The following ACSBG1 variants were observed in gnomAD, a reference collection of about 807,000 sequenced individuals.
ACSBG1 encodes acyl-CoA synthetase bubblegum family member 1.
ACSBG1 carries 39 observed loss-of-function variants against 80.2 expected under a neutral mutation model. The ratio of observed to expected loss-of-function variants is 0.49; its 90% confidence interval spans 0.38 to 0.64. The LOEUF (loss-of-function observed/expected upper bound fraction) is 0.64. Among genes scored for constraint, ACSBG1 ranks in the 30% least tolerant of loss-of-function variants. The pLI is 0.00. For missense variants in ACSBG1, 828 were observed against 966.4 expected, an observed-to-expected ratio of 0.86 and a Z score of 1.90; for synonymous variants, 392 against 379.5, an observed-to-expected ratio of 1.03 and a Z score of -0.38.
Position 78,175,022 on chromosome 15 carries a change from C to T in ACSBG1, c.1703-498G>A, listed in dbSNP as rs537076088. ...GCACAGAGACGTTCAGTAACTTGTCCAAGCTCACATGCTAATAAGTGGCAG... is the reference window on the plus strand; with the variant it reads ...GCACAGAGACGTTCAGTAACTTGTCTAAGCTCACATGCTAATAAGTGGCAG... On this transcript the variant is annotated intron_variant, in intron 11 of 13. Coordinates refer to ENST00000258873, the MANE Select transcript of ACSBG1 (RefSeq NM_015162.5). Among the ~76,000 whole-genome samples the T allele has an allele frequency of 7.2e-5, 11 of 152,336 alleles. No individual in the cohort carries two copies. In the East Asian group the frequency reaches 2.1e-3, roughly 29 times the overall value.
At chr15:78,209,078 C>G (rs1015336912) in intron 1 of ACSBG1, 11 of 450,000 alleles carry the variant, frequency 2.4e-5, no homozygotes, top group African/African-American at 1.2e-4. Context: ...TCCAGGGAGC[C>G]CTGTCTGTCA....
At chr15:78,223,994 C>G (rs1387594436) in intron 1 of ACSBG1, among the ~76,000 whole-genome samples, 1 of 152,168 alleles carries the variant, frequency 6.6e-6, no homozygotes, top group Non-Finnish European at 1.5e-5. Flanking sequence ...CCTAGAGCCC[C>G]TGGAGGAAGA....
intron 1 of ACSBG1, chr15:78,209,105 C>T (rs1265685566): frequency 2.2e-6 from 1 of 455,280 alleles, no homozygotes; most frequent in Admixed American, 2.3e-5. Context: ...GTGGGGCTAG[C>T]CCCATCCCTG....
intron 1 of ACSBG1, among the ~76,000 whole-genome samples, chr15:78,214,407 T>C (rs1012992316): frequency 7.2e-5 from 11 of 152,184 alleles, no homozygotes; most frequent in African/African-American, 2.4e-4. Context: ...GAGGCAGCCC[T>C]AGCTAGTGTT....
intron 5 of ACSBG1, 45 bp downstream of exon 5, chr15:78,193,461 G>T (rs746915571): frequency 1.3e-5 from 21 of 1,574,850 alleles, no homozygotes; most frequent in Non-Finnish European, 1.7e-5. Context: ...AGGTGCATGG[G>T]GATACCCAGC....
chr15:78,186,945 A>C (rs1466902468), intron 5 of ACSBG1, among the ~76,000 whole-genome samples: 1 of 152,194 alleles, frequency 6.6e-6, no homozygotes, highest in Non-Finnish European at 1.5e-5. Flanking sequence ...ATAAAGAAGA[A>C]AAGAGAGAAG....
In ACSBG1 at chr15:78,234,485, C is replaced by T. The variant is rs755158080; in HGVS notation, c.17G>A (p.Gly6Glu). MPRNS[G>E]AGYGCPHGDP... is the part of the protein sequence containing the mutation. ...CCCGTGTGGGCAGCCGTATCCAGCT[C>T]CAGAATTGCGTGGCATCTGCCTCGG... The change falls in exon 1 of 14, where the codon GGA (glycine) becomes GAA (glutamate). Residue 6 changes from glycine to glutamate, a missense_variant. This residue lies in a region of ACSBG1 where 356 missense variants were observed against 363.5 expected (regional missense o/e 0.98). Coordinates refer to ENST00000258873, the MANE Select transcript of ACSBG1 (RefSeq NM_015162.5). 6.2e-7 allele frequency: 1 copy of T among 1,611,928 alleles called. No individual in the cohort carries two copies.
At chr15:78,224,853 T>G (rs1344023315) in intron 1 of ACSBG1, among the ~76,000 whole-genome samples, 1 of 152,180 alleles carries the variant, frequency 6.6e-6, no homozygotes, top group Non-Finnish European at 1.5e-5. Context: ...TCTTATTATC[T>G]CTATTCAACA....
At chr15:78,216,413 C>G (rs974503967) in intron 1 of ACSBG1, among the ~76,000 whole-genome samples, 2 of 152,060 alleles carry the variant, frequency 1.3e-5, no homozygotes, top group African/African-American at 2.4e-5. Flanking sequence ...TTATTTCATG[C>G]GAGACAGCAT....
At chr15:78,226,122 A>G (rs2141390365) in intron 1 of ACSBG1, among the ~76,000 whole-genome samples, 1 of 152,308 alleles carries the variant, frequency 6.6e-6, no homozygotes, top group South Asian at 2.1e-4. Context: ...CTGAAGTGAA[A>G]TCCCATCACT....
intron 5 of ACSBG1, among the ~76,000 whole-genome samples, chr15:78,189,685 G>A (rs187059482): frequency 1.3e-5 from 2 of 151,482 alleles, no homozygotes; most frequent in Non-Finnish European, 2.9e-5. Flanking sequence ...GGTGGGGTGA[G>A]GGGGGAGGGA....
chr15:78,233,371 C>T (rs1371338006), intron 1 of ACSBG1, among the ~76,000 whole-genome samples: 1 of 152,208 alleles, frequency 6.6e-6, no homozygotes, highest in Non-Finnish European at 1.5e-5. Flanking sequence ...CTTCCTTCCC[C>T]ATAACCTTCC....
intron 1 of ACSBG1, among the ~76,000 whole-genome samples, chr15:78,218,462 G>T (rs2075330789): frequency 6.6e-6 from 1 of 152,204 alleles, no homozygotes; most frequent in Admixed American, 6.5e-5. Context: ...AGCTCTGAAT[G>T]TGGCAGGCAA....
intron 1 of ACSBG1, among the ~76,000 whole-genome samples, chr15:78,216,079 T>A (rs1411238081): frequency 1.3e-5 from 2 of 152,196 alleles, no homozygotes; most frequent in African/African-American, 4.8e-5. Flanking sequence ...TTAAAAAACA[T>A]AATGGACTGT....
At position 78,178,705 on chromosome 15, in the gene ACSBG1, A is replaced by AC; in HGVS notation, c.1610dup (p.Cys537TrpfsTer2). The AC allele has an allele frequency of 6.2e-7, 1 of 1,614,004 alleles. No homozygotes were observed. The highest frequency in any genetic ancestry group is 8.5e-7 in the Non-Finnish European group (1 of 1,180,012). On this transcript the variant is annotated frameshift_variant, in exon 11 of 14. Transcript: ENST00000258873. LOFTEE classifies it high-confidence loss of function. This position sits in a 1 kb window ranked among gnomAD's most constrained non-coding sequence, Gnocchi z 4.3. ...GCCAGCCTTCCTCGTCGATGGCCTC[A>AC]CAAGTCTTGTCCTCCATGTTCAGGT... is the stretch of plus-strand genomic sequence containing the variant.
At chr15:78,211,249 G>T (rs552862459) in intron 1 of ACSBG1, among the ~76,000 whole-genome samples, 1 of 152,250 alleles carries the variant, frequency 6.6e-6, no homozygotes, top group African/African-American at 2.4e-5. Context: ...CAGGTGAGTT[G>T]ATATTACTGT....
At chr15:78,201,457 C>A (rs560930972) in intron 2 of ACSBG1, among the ~76,000 whole-genome samples, 1 of 152,380 alleles carries the variant, frequency 6.6e-6, no homozygotes, top group South Asian at 2.1e-4. Context: ...CGCCAGCCTC[C>A]TTTCCCATCT....
intron 2 of ACSBG1, 79 bp downstream of exon 2, chr15:78,207,923 A>ACCCCCCCCCCCCCCCCCC: frequency 2.8e-5 from 8 of 284,792 alleles, no homozygotes; most frequent in African/African-American, 5.8e-5. Context: ...GTGGTCCCCC[A>ACCCCCCCCCCCCCCCCCC]CACCACCCAC....
intron 1 of ACSBG1, among the ~76,000 whole-genome samples, chr15:78,232,096 G>A (rs1012771849): frequency 2.0e-5 from 3 of 152,212 alleles, no homozygotes; most frequent in African/African-American, 4.8e-5. Context: ...GCTGCTAAGA[G>A]TGTTGCTATG....
Sources: allele counts gnomAD v4.1 joint callset (sites outside exome capture counted in the v4.1 genomes callset), GRCh38; gene constraint gnomAD v4.1.1; regional missense constraint gnomAD v4.1.1; non-coding constraint Gnocchi (gnomAD v3.1); transcripts MANE v1.5; gene names NCBI Gene and HGNC (gene_info 2026-07-23, HGNC 2026-07-21).